Variants in LILRA5 observed in about 807,000 individuals in gnomAD.
The protein encoded by LILRA5 is leukocyte immunoglobulin-like receptor subfamily A member 5.
Under a neutral mutation model 36.3 loss-of-function variants are expected in LILRA5, and 31 were observed. That is an observed-to-expected ratio of 0.85 (90% CI 0.64 to 1.15). LILRA5 has a LOEUF of 1.15. LILRA5 is among the 50% of genes most tolerant of loss of function. The probability of loss-of-function intolerance (pLI) is 0.00; values close to 1 mark genes in which losing one functional copy is unlikely to be tolerated. For synonymous variants in LILRA5, 144 were observed against 144.8 expected (o/e 0.99, Z 0.04); for missense variants, 348 against 377.4 (o/e 0.92, Z 0.64).
rs2080889579 is a variant in LILRA5, at chr19:54,307,115, C to T, written c.*298G>A. On this transcript the variant is annotated 3_prime_UTR_variant, in exon 7 of 7. Coordinates refer to ENST00000432233, the MANE Select transcript of LILRA5 (RefSeq NM_021250.4). ...ACCAGTGTCTCTGCACTCAAACACCCATTCCTCCCTCTAGAAATTGCCAGA... is the reference window on the plus strand; with the variant it reads ...ACCAGTGTCTCTGCACTCAAACACCTATTCCTCCCTCTAGAAATTGCCAGA... 8.6e-6 allele frequency: 2 copies of T among 233,308 alleles called. No individual in the cohort carries two copies. The highest frequency in any genetic ancestry group is 2.3e-5 in the African/African-American group (1 of 43,362). The allele number at this position is 233,308 out of a possible 1,614,324, so 14.5% of individuals were successfully genotyped here.
At position 54,312,091 on chromosome 19, in the gene LILRA5, T is replaced by C; in HGVS notation, c.182A>G (p.Asn61Ser). The change falls in exon 4 of 7, where the codon AAC (asparagine) becomes AGC (serine). Residue 61 changes from asparagine to serine, a missense_variant. Physicochemically the swap from Asn to Ser is conservative, Grantham distance 46. Coordinates refer to ENST00000432233, the MANE Select transcript of LILRA5 (RefSeq NM_021250.4). ...CCCCTGACACCGGATGGTCACAGAG[T>C]TCCCCCGGCTGATCACAGAGCCTGG... is the stretch of plus-strand genomic sequence containing the variant. ...AEPGSVISRG[N>S]SVTIRCQGTL... The C allele has an allele frequency of 1.9e-6, 3 of 1,614,036 alleles. No individual in the cohort carries two copies. The highest frequency in any genetic ancestry group is 2.5e-6 in the Non-Finnish European group (3 of 1,179,972).
chr19:54,310,779 G>A (rs2147852446), intron 5 of LILRA5: 1 of 260,672 alleles, frequency 3.8e-6, no homozygotes, highest in Non-Finnish European at 8.0e-6. Flanking sequence ...ACCTGTCATA[G>A]CCAACATCAG....
chr19:54,307,376 G>C lies in LILRA5; in HGVS notation c.*37C>G, dbSNP rs201196921. 5 of 1,569,408 alleles carry C rather than the reference G, an allele frequency of 3.2e-6. No individual in the cohort carries two copies. The highest frequency in any genetic ancestry group is 3.6e-5 in the Admixed American group (2 of 55,182). On this transcript the variant is annotated 3_prime_UTR_variant, in exon 7 of 7. Transcript: ENST00000432233. The stretch of plus-strand genomic sequence containing the variant: ...TAGGACCATCAGATTCGCTTCCAAG[G>C]CTCCAGCATTCAATGGTGCATTGTT...
intron 5 of LILRA5, chr19:54,308,451 A>G (rs927377271): frequency 4.9e-5 from 7 of 143,058 alleles, no homozygotes; most frequent in Non-Finnish European, 9.1e-5. Context: ...TTTTAGGGCC[A>G]GGCGTGGTGG....
At chr19:54,307,662 T>C (rs775666605) in intron 6 of LILRA5, 36 bp downstream of exon 6, 26 of 1,613,168 alleles carry the variant, frequency 1.6e-5, no homozygotes, top group Non-Finnish European at 2.2e-5. Context: ...TGACCCTCTG[T>C]GCCAGTTCCA....
Position 54,313,104 on chromosome 19 carries a change from C to A in LILRA5, c.-85G>T, listed in dbSNP as rs2081058326. 4.0e-6 allele frequency: 6 copies of A among 1,485,276 alleles called. No homozygotes were observed. The highest frequency in any genetic ancestry group is 5.6e-6 in the Non-Finnish European group (6 of 1,066,822). The allele number at this position is 1,485,276 out of a possible 1,614,324, so 92.0% of individuals were successfully genotyped here. ...CAGACTCAGATCAGCAGAGACACAT[C>A]TGACACCTGGCTGTGTAGCCCAGGC... On this transcript the variant is annotated 5_prime_UTR_variant, in exon 1 of 7. Transcript: ENST00000432233.
chr19:54,308,370 T>TATAA (rs1475329527), intron 5 of LILRA5: 1 of 34,780 alleles, frequency 2.9e-5, no homozygotes, highest in East Asian at 7.5e-4. Context: ...TATATATATA[T>TATAA]ATATATATAT....
In LILRA5 at chr19:54,311,939, C is replaced by T. The variant is rs768712229; in HGVS notation, c.334G>A (p.Gly112Arg). Residue 112 changes from glycine (G) to arginine (R), a missense_variant, in exon 4 of 7, where the codon GGG (glycine) becomes AGG (arginine). By Grantham distance (125) the Gly-to-Arg change is moderately radical. Coordinates refer to ENST00000432233, the MANE Select transcript of LILRA5 (RefSeq NM_021250.4). ...SIPSMTEHHAGRYRCYYYSPA... is the reference protein window; with the variant it reads ...SIPSMTEHHARRYRCYYYSPA... ...CTGTAGTAGTAACAGCGGTATCTCC[C>T]TGCATGGTGCTCTGTCATGGATGGG... 3 of 1,614,200 alleles carry T rather than the reference C, an allele frequency of 1.9e-6. No homozygotes were observed. The highest frequency in any genetic ancestry group is 2.5e-6 in the Non-Finnish European group (3 of 1,180,018).
chr19:54,312,885 G>T, intron 1 of LILRA5, 132 bp downstream of exon 1: 1 of 1,160,150 alleles, frequency 8.6e-7, no homozygotes, highest in Non-Finnish European at 1.3e-6. Context: ...GGACACAGCA[G>T]CAAATAGACC....
rs1372639128 is a variant in LILRA5 at position 54,307,502 on chromosome 19, T to C, written c.811A>G (p.Met271Val). 1.2e-6 allele frequency: 2 copies of C among 1,614,032 alleles called. No homozygotes were observed. ...AGGACCACCAGGATCAAGCCGGCCA[T>C]GCCCATGCGGATGAGATTCTCTACT... ...YAVENLIRMG[M>V]AGLILVVLGI... The change falls in exon 7 of 7, where the codon ATG becomes GTG. Residue 271 changes from methionine to valine, a missense_variant. Met to Val is a conservative substitution (Grantham distance 21, BLOSUM62 1). Coordinates refer to ENST00000432233, the MANE Select transcript of LILRA5 (RefSeq NM_021250.4).
rs2081027258 is a variant in LILRA5, at chr19:54,311,933, A to G, written c.340T>C (p.Tyr114His). The change falls in exon 4 of 7, where the codon TAC (tyrosine) becomes CAC (histidine). Residue 114 changes from tyrosine to histidine, a missense_variant. By Grantham distance (83) the Tyr-to-His change is moderately conservative. Coordinates refer to ENST00000432233, the MANE Select transcript of LILRA5 (RefSeq NM_021250.4). Reference sequence around the variant, plus strand: ...GCAGGGCTGTAGTAGTAACAGCGGTATCTCCCTGCATGGTGCTCTGTCATG... The same window carrying G: ...GCAGGGCTGTAGTAGTAACAGCGGTGTCTCCCTGCATGGTGCTCTGTCATG... ...PSMTEHHAGR[Y>H]RCYYYSPAGW... 2 of 1,614,060 alleles carry G rather than the reference A, an allele frequency of 1.2e-6. No individual in the cohort carries two copies. Among genetic ancestry groups the G allele is most frequent in the African/African-American group, 1.3e-5 (1 of 74,912 alleles).
rs1198714584 is a variant in LILRA5 at position 54,312,326 on chromosome 19, C to T, written c.124+9G>A. 6.2e-7 allele frequency: 1 copy of T among 1,614,222 alleles called. No homozygotes were observed. Among genetic ancestry groups the T allele is most frequent in the African/African-American group, 1.3e-5 (1 of 75,050 alleles). ...AGGAGGGACCTGGGACAGCTGGGGA[C>T]AGACTCACCTGCCTGCACGTGGGTC... On this transcript the variant is annotated intron_variant, in intron 3 of 6. Coordinates refer to ENST00000432233, the MANE Select transcript of LILRA5 (RefSeq NM_021250.4).
intron 3 of LILRA5, 44 bp downstream of exon 3, chr19:54,312,291 C>T: frequency 6.2e-7 from 1 of 1,614,152 alleles, no homozygotes; most frequent in Non-Finnish European, 8.5e-7. Flanking sequence ...GCCCTTTGTC[C>T]CCATTGAGGA....
chr19:54,308,119 G>C (rs1044466600), intron 5 of LILRA5: 1 of 191,820 alleles, frequency 5.2e-6, no homozygotes, highest in African/African-American at 2.3e-5. Context: ...AGAGTTTCAC[G>C]GATCCACCAG....
chr19:54,312,281 G>T (rs1384062990), intron 3 of LILRA5, 54 bp downstream of exon 3: 1 of 1,613,898 alleles, frequency 6.2e-7, no homozygotes, highest in Non-Finnish European at 8.5e-7. Flanking sequence ...CCCATGGGTG[G>T]CCCTTTGTCC....
At chr19:54,311,244 C>T (rs1384079807) in intron 5 of LILRA5, 170 bp downstream of exon 5, 3 of 1,509,500 alleles carry the variant, frequency 2.0e-6, no homozygotes, top group Non-Finnish European at 1.8e-6. Context: ...GTGTGAGCCA[C>T]TGTGCCCAGC....
At chr19:54,310,419 C>T (rs2080985258) in intron 5 of LILRA5, 1 of 153,992 alleles carries the variant, frequency 6.5e-6, no homozygotes, top group African/African-American at 2.4e-5. Flanking sequence ...AGATTCTAAA[C>T]AGTGGGGTTT....
chr19:54,308,521 G>A (rs1036604849), intron 5 of LILRA5: 1 of 150,446 alleles, frequency 6.6e-6, no homozygotes, highest in Non-Finnish European at 1.5e-5. Flanking sequence ...GAGGTTAGGA[G>A]TTCGAGACCA....
At chr19:54,312,830 C>G (rs138344073) in intron 1 of LILRA5, 187 bp downstream of exon 1, 1 of 821,102 alleles carries the variant, frequency 1.2e-6, no homozygotes, top group Non-Finnish European at 2.0e-6. Flanking sequence ...TCTCCCTTCC[C>G]CGGGCCACTG....
Sources: allele counts gnomAD v4.1 joint callset, GRCh38; gene constraint gnomAD v4.1.1; transcripts MANE v1.5; gene names NCBI Gene and HGNC (gene_info 2026-07-23, HGNC 2026-07-21).